Variants in TMEM170B observed in about 807,000 individuals in gnomAD.
TMEM170B encodes transmembrane protein 170B.
TMEM170B carries 6 observed loss-of-function variants against 13.0 expected under a neutral mutation model. The ratio of observed to expected loss-of-function variants is 0.46; its 90% CI spans 0.25 to 0.91. The LOEUF is 0.91. Ranked by LOEUF, TMEM170B falls within the 40% of genes least tolerant of loss-of-function variation. The pLI is 0.17. For missense variants in TMEM170B, 138 were observed against 165.2 expected, an observed-to-expected ratio of 0.84 and a Z score of 0.90; for synonymous variants, 61 against 64.9, an observed-to-expected ratio of 0.94 and a Z score of 0.29.
In TMEM170B at chr6:11,577,438, C is replaced by T. The variant is rs1759894626; in HGVS notation, c.*1877C>T. On this transcript the variant is annotated 3_prime_UTR_variant, in exon 3 of 3. Transcript: ENST00000379426. ...CCAAGTCAATCTGATTTTTTCTTTT[C>T]TGCCAGACTTGAATTGTGTTCTTCT... is the stretch of plus-strand genomic sequence containing the variant. 6.6e-6 allele frequency: 1 copy of T among 151,978 alleles called. No homozygotes were observed. The highest frequency in any genetic ancestry group is 2.4e-5 in the African/African-American group (1 of 41,424). 9.4% of individuals were successfully genotyped at this position (151,978 alleles called of 1,614,324 possible).
rs1184616487 is a variant in TMEM170B at position 11,565,770 on chromosome 6, A to G, written c.202A>G (p.Arg68Gly). ...GATGCTGCAGAGGCATAGGCAGGGA[A>G]GAGTCATCTCTGTCATTGCAGTCAG... ...FVMLQRHRQGRVISVIAVSIG... is the reference protein window; with the variant it reads ...FVMLQRHRQGGVISVIAVSIG... Residue 68 changes from arginine to glycine, a missense_variant, in exon 2 of 3, where the codon AGA becomes GGA. Physicochemically the swap from Arg to Gly is moderately radical, Grantham distance 125. Coordinates refer to ENST00000379426, the MANE Select transcript of TMEM170B (RefSeq NM_001100829.3). The G allele has an allele frequency of 6.2e-7, 1 of 1,614,046 alleles. No individual in the cohort carries two copies. The highest frequency in any genetic ancestry group is 1.3e-5 in the African/African-American group (1 of 74,928).
rs1346001745 is a variant in TMEM170B at position 11,582,827 on chromosome 6, T to C, written c.*7266T>C. Reference sequence around the variant, plus strand: ...GGCATATTTGATGAAGTACCCTGTGTTATGTGAACACAATTTCCCCTTCTG... The same window carrying C: ...GGCATATTTGATGAAGTACCCTGTGCTATGTGAACACAATTTCCCCTTCTG... On this transcript the variant is annotated 3_prime_UTR_variant, in exon 3 of 3. Coordinates refer to ENST00000379426, the MANE Select transcript of TMEM170B (RefSeq NM_001100829.3). 6.6e-6 allele frequency: 1 copy of C among 152,206 alleles called. No homozygotes were observed. Among genetic ancestry groups the C allele is most frequent in the African/African-American group, 2.4e-5 (1 of 41,456 alleles). The allele number at this position is 152,206 out of a possible 1,614,324, so 9.4% of individuals were successfully genotyped here.
rs1232585972 is a variant in TMEM170B at position 11,538,107 on chromosome 6, C to G, written c.-171C>G. On this transcript the variant is annotated 5_prime_UTR_variant, in exon 1 of 3. Transcript: ENST00000379426. ...CTGGGAGACACGCTGAGCGGCCCCC[C>G]CACGGAGGCCCTCCGGCTGCAGCAG... Among the ~76,000 whole-genome samples the G allele has an allele frequency of 6.6e-6, 1 of 151,132 alleles. No homozygotes were observed. Among genetic ancestry groups the G allele is most frequent in the Admixed American group, 6.6e-5 (1 of 15,220 alleles).
chr6:11,538,950 A>G (rs1759322810), intron 1 of TMEM170B, among the ~76,000 whole-genome samples: 1 of 151,938 alleles, frequency 6.6e-6, no homozygotes, highest in African/African-American at 2.4e-5. Context: ...AGCTTCATAT[A>G]TCTCCTTCCC....
At chr6:11,544,009 T>A (rs569331524) in intron 1 of TMEM170B, among the ~76,000 whole-genome samples, 1 of 152,306 alleles carries the variant, frequency 6.6e-6, no homozygotes, top group East Asian at 1.9e-4. Context: ...CCAGAACGAC[T>A]TAATTTTAGA....
chr6:11,575,403 C>G lies in TMEM170B; in HGVS notation c.269-28C>G. 3 of 1,612,562 alleles carry G rather than the reference C, an allele frequency of 1.9e-6. No individual in the cohort carries two copies. The highest frequency in any genetic ancestry group is 2.5e-6 in the Non-Finnish European group (3 of 1,179,042). Reference sequence around the variant, plus strand: ...GTGTTATAAAACGAGTGACTGTATCCCTTCATTTTTCTCCCGTTTCTCCTT... The same window carrying G: ...GTGTTATAAAACGAGTGACTGTATCGCTTCATTTTTCTCCCGTTTCTCCTT... On this transcript the variant is annotated intron_variant, in intron 2 of 2. Coordinates refer to ENST00000379426, the MANE Select transcript of TMEM170B (RefSeq NM_001100829.3). This position sits in a 1 kb window ranked among gnomAD's most constrained non-coding sequence, Gnocchi z 4.1.
In TMEM170B at chr6:11,538,322, G is replaced by A; in HGVS notation, c.45G>A (p.Val15=). The change falls in exon 1 of 3, where the codon GTG becomes GTA. Residue 15 remains valine, a synonymous_variant. Transcript: ENST00000379426. ...ACCACTCCATGATCAACCTGTCGGT[G>A]CAGCAGGTCCTGAGCCTCTGGGCCC... ...GGDHSMINLS[V]QQVLSLWAHG... is the part of the protein sequence containing the mutation. 2 of 1,500,262 alleles carry A rather than the reference G, an allele frequency of 1.3e-6. No homozygotes were observed. Among genetic ancestry groups the A allele is most frequent in the South Asian group, 2.7e-5 (2 of 74,792 alleles). 92.9% of individuals were successfully genotyped at this position (1,500,262 alleles called of 1,614,324 possible).
chr6:11,546,746 C>T (rs536358321), intron 1 of TMEM170B, among the ~76,000 whole-genome samples: 3 of 152,192 alleles, frequency 2.0e-5, no homozygotes, highest in African/African-American at 7.2e-5. Flanking sequence ...TACCATATAG[C>T]CTAAATGGAA....
chr6:11,554,673 A>G (rs986953953), intron 1 of TMEM170B, among the ~76,000 whole-genome samples: 3 of 152,146 alleles, frequency 2.0e-5, no homozygotes, highest in African/African-American at 2.4e-5. Flanking sequence ...GAAATTATAT[A>G]ATTAGCAAGC....
At chr6:11,571,605 A>G (rs1759802512) in intron 2 of TMEM170B, among the ~76,000 whole-genome samples, 1 of 152,088 alleles carries the variant, frequency 6.6e-6, no homozygotes, top group Non-Finnish European at 1.5e-5. Flanking sequence ...TATTTATTTC[A>G]AGAACCCTAT....
In TMEM170B at chr6:11,575,522, A is replaced by G. The variant is rs374506741; in HGVS notation, c.360A>G (p.Thr120=). 63 of 1,613,260 alleles carry G rather than the reference A, an allele frequency of 3.9e-5. No individual in the cohort carries two copies. The highest frequency in any genetic ancestry group is 5.3e-5 in the Non-Finnish European group (62 of 1,179,526). The change falls in exon 3 of 3, where the codon ACA becomes ACG. Residue 120 remains threonine (T), a synonymous_variant. Coordinates refer to ENST00000379426, the MANE Select transcript of TMEM170B (RefSeq NM_001100829.3). The surrounding 1 kb of genome is among the most constrained non-coding windows in gnomAD (Gnocchi z 4.1). ...GGGGCGTTGGACAGACTGTACTGAC[A>G]TTAATCATCTCCTTTTCAAGGATCC... ...LVWGVGQTVL[T]LIISFSRILA...
chr6:11,559,179 AT>A (rs1056445303), intron 1 of TMEM170B, among the ~76,000 whole-genome samples: 29 of 145,650 alleles, frequency 2.0e-4, no homozygotes, highest in African/African-American at 5.8e-4. Flanking sequence ...TTCTTTATAT[AT>A]TTTTTTCTTT....
intron 1 of TMEM170B, among the ~76,000 whole-genome samples, chr6:11,559,879 A>G (rs541152251): frequency 3.3e-5 from 5 of 152,062 alleles, no homozygotes; most frequent in African/African-American, 1.2e-4. Context: ...CTTGATTTCT[A>G]GAATGTTTAG....
chr6:11,557,340 C>T (rs1006556048), intron 1 of TMEM170B, among the ~76,000 whole-genome samples: 1 of 151,980 alleles, frequency 6.6e-6, no homozygotes, highest in East Asian at 1.9e-4. Flanking sequence ...ATTTTAAATT[C>T]TACAAAATCA....
chr6:11,549,573 G>A (rs1327879817), intron 1 of TMEM170B, among the ~76,000 whole-genome samples: 1 of 151,820 alleles, frequency 6.6e-6, no homozygotes, highest in Admixed American at 6.6e-5. Flanking sequence ...TGAGGCAGGA[G>A]AATGGCATGA....
At chr6:11,546,899 A>G (rs986773445) in intron 1 of TMEM170B, among the ~76,000 whole-genome samples, 8 of 152,236 alleles carry the variant, frequency 5.3e-5, no homozygotes, top group African/African-American at 9.6e-5. Context: ...TTTCCTACAC[A>G]TGCATACCTG....
chr6:11,569,401 T>C (rs1759772470), intron 2 of TMEM170B, among the ~76,000 whole-genome samples: 1 of 152,198 alleles, frequency 6.6e-6, no homozygotes. Context: ...TCTGATATAT[T>C]TTCTTCTATT....
intron 1 of TMEM170B, among the ~76,000 whole-genome samples, chr6:11,546,845 G>A (rs1759447765): frequency 6.6e-6 from 1 of 152,150 alleles, no homozygotes. Context: ...ACATTTCTCA[G>A]AATGTATCCC....
At chr6:11,555,338 A>G (rs1472467597) in intron 1 of TMEM170B, among the ~76,000 whole-genome samples, 2 of 151,556 alleles carry the variant, frequency 1.3e-5, no homozygotes, top group African/African-American at 4.8e-5. Flanking sequence ...TTTGGTTTTC[A>G]CGCATTTCAC....
Sources: gnomAD v4.1 joint callset for allele counts (sites outside exome capture counted in the v4.1 genomes callset) on GRCh38, gnomAD v4.1.1 for gene constraint, Gnocchi (gnomAD v3.1) non-coding constraint, MANE v1.5 for transcripts, NCBI Gene and HGNC (gene_info 2026-07-23, HGNC 2026-07-21) for gene names.